CCDC3: variants seen among roughly 807,000 people sequenced by gnomAD.
CCDC3 encodes coiled-coil domain-containing protein 3.
A neutral mutation model predicts 21.4 loss-of-function variants in CCDC3; 24 were observed. That is an observed-to-expected ratio of 1.12 (90% CI 0.81 to 1.58). CCDC3 has a LOEUF of 1.58. Ranked by LOEUF, CCDC3 falls within the 40% of genes most tolerant of loss-of-function variation. CCDC3 has a pLI of 0.00. For missense variants in CCDC3, 425 were observed against 360.9 expected (o/e 1.18, Z -1.44); for synonymous variants, 186 against 166.0 (o/e 1.12, Z -0.93).
At chr10:13,035,144 C>T (rs1309667483) in intron 5 of CCDC3, among the ~76,000 whole-genome samples, 1 of 152,120 alleles carries the variant, frequency 6.6e-6, no homozygotes, top group African/African-American at 2.4e-5. Context: ...GAACACTGAT[C>T]TCTCTGCATT....
At chr10:13,067,430 G>A (rs905011205) in intron 4 of CCDC3, among the ~76,000 whole-genome samples, 1 of 152,036 alleles carries the variant, frequency 6.6e-6, no homozygotes, top group Non-Finnish European at 1.5e-5. Flanking sequence ...ACTAGGCCAG[G>A]AATAAGGATC....
At chr10:12,912,622 T>C (rs1374467197) in intron 2 of CCDC3, among the ~76,000 whole-genome samples, 1 of 152,210 alleles carries the variant, frequency 6.6e-6, no homozygotes, top group East Asian at 1.9e-4. Flanking sequence ...CTTTGATGTG[T>C]TCCCATTTGC....
rs140039127 is a variant in CCDC3, at chr10:12,970,812, C to T, written c.549+27526G>A. Among the ~76,000 whole-genome samples, 1,000 of 151,914 alleles carry T rather than the reference C, an allele frequency of 6.6e-3. 8 individuals carry two copies. Among genetic ancestry groups the T allele is most frequent in the Non-Finnish European group, 9.9e-3 (676 of 67,984 alleles). On this transcript the variant is annotated intron_variant, in intron 2 of 2. Transcript: ENST00000378825. Reference sequence around the variant, plus strand: ...GAGTGAGGCAGGAGAATCACTTGAACCTGGGAGGTGGAGGTTGCAGTGAGC... The same window carrying T: ...GAGTGAGGCAGGAGAATCACTTGAATCTGGGAGGTGGAGGTTGCAGTGAGC...
In CCDC3 at chr10:13,084,479, G is replaced by C. The variant is rs185619464; in HGVS notation, c.-502-10379C>G. ...AATTTTGTATTTTTAATAGAGACAGGGTTCTCCATGTTGGTCAGTCTGGTC... is the reference window on the plus strand; with the variant it reads ...AATTTTGTATTTTTAATAGAGACAGCGTTCTCCATGTTGGTCAGTCTGGTC... On this transcript the variant is annotated intron_variant, in intron 3 of 6. Transcript: ENST00000378839. Among the ~76,000 whole-genome samples the C allele has an allele frequency of 5.8e-3, 889 of 151,984 alleles. 8 individuals are homozygous for C. The highest frequency in any genetic ancestry group is 8.3e-3 in the Non-Finnish European group (564 of 67,970).
chr10:13,046,595 T>C (rs1374016528), intron 5 of CCDC3, among the ~76,000 whole-genome samples: 1 of 151,460 alleles, frequency 6.6e-6, no homozygotes, highest in Non-Finnish European at 1.5e-5. Context: ...TAATCCCAGC[T>C]ACTCAGGAGG....
chr10:13,052,971 CA>C (rs1564333731), intron 4 of CCDC3, among the ~76,000 whole-genome samples: 1 of 91,854 alleles, frequency 1.1e-5, no homozygotes, highest in African/African-American at 4.0e-5. Flanking sequence ...CACACACACA[CA>C]CACACACACA....
chr10:12,922,029 C>T (rs1219435113), intron 2 of CCDC3, among the ~76,000 whole-genome samples: 3 of 152,118 alleles, frequency 2.0e-5, no homozygotes, highest in Non-Finnish European at 2.9e-5. Flanking sequence ...TGTGCCTGAC[C>T]CTATCTTAAC....
rs377326297 is a variant in CCDC3 at position 12,974,698 on chromosome 10, C to A, written c.549+23640G>T. Among the ~76,000 whole-genome samples the A allele has an allele frequency of 5.3e-5, 8 of 152,278 alleles. No individual in the cohort carries two copies. In the South Asian group the frequency reaches 1.0e-3, roughly 20 times the overall value. ...GACCCAGGCTGGGCTGTATCCTCCC[C>A]GGCCAACATGACACCCCCGGATCAT... On this transcript the variant is annotated intron_variant, in intron 2 of 2. Coordinates refer to ENST00000378825, the MANE Select transcript of CCDC3 (RefSeq NM_031455.4).
At chr10:13,038,973 C>T (rs1836414505) in intron 5 of CCDC3, among the ~76,000 whole-genome samples, 1 of 152,164 alleles carries the variant, frequency 6.6e-6, no homozygotes, top group Non-Finnish European at 1.5e-5. Context: ...CCAGAAGAAC[C>T]TAAACAGGGG....
chr10:13,071,163 A>C (rs932314782), intron 4 of CCDC3, among the ~76,000 whole-genome samples: 2 of 152,168 alleles, frequency 1.3e-5, no homozygotes, highest in Non-Finnish European at 2.9e-5. Context: ...ATGCGTCCAA[A>C]TCTTAGCAAG....
chr10:12,915,914 A>C (rs1040303906), intron 2 of CCDC3, among the ~76,000 whole-genome samples: 1 of 151,896 alleles, frequency 6.6e-6, no homozygotes, highest in African/African-American at 2.4e-5. Flanking sequence ...CTGACCTGGC[A>C]CCAGGGTCTG....
intron 2 of CCDC3, among the ~76,000 whole-genome samples, chr10:12,971,191 G>A (rs1224940510): frequency 2.6e-5 from 4 of 152,200 alleles, no homozygotes; most frequent in Non-Finnish European, 5.9e-5. Context: ...ACACCATGGA[G>A]TGTAACCCTA....
At chr10:12,943,207 G>C (rs1460001009) in intron 2 of CCDC3, among the ~76,000 whole-genome samples, 1 of 152,110 alleles carries the variant, frequency 6.6e-6, no homozygotes, top group Non-Finnish European at 1.5e-5. Context: ...TTTGGTTAAA[G>C]TTTGTCAGTT....
intron 5 of CCDC3, among the ~76,000 whole-genome samples, chr10:13,040,182 A>C (rs1014028173): frequency 1.3e-5 from 2 of 152,172 alleles, no homozygotes; most frequent in African/African-American, 4.8e-5. Context: ...ACAGTGAATT[A>C]GGATGGAGGG....
chr10:12,964,599 G>A (rs749161913), intron 2 of CCDC3, among the ~76,000 whole-genome samples: 5 of 152,174 alleles, frequency 3.3e-5, no homozygotes, highest in Admixed American at 2.6e-4. Flanking sequence ...TGATTAACCC[G>A]TGCCTGGAGC....
chr10:12,902,347 G>A (rs1370532784), intron 2 of CCDC3, among the ~76,000 whole-genome samples: 5 of 152,222 alleles, frequency 3.3e-5, no homozygotes, highest in Admixed American at 6.5e-5. Context: ...AGGTGGGCAT[G>A]AGAAATTCCC....
chr10:13,064,476 C>T (rs1836800462), intron 4 of CCDC3, among the ~76,000 whole-genome samples: 1 of 152,166 alleles, frequency 6.6e-6, no homozygotes, highest in Non-Finnish European at 1.5e-5. Context: ...GCCTGTGACA[C>T]AGCCTCAGGA....
At chr10:13,019,660 T>C (rs895466259) in intron 5 of CCDC3, among the ~76,000 whole-genome samples, 1 of 152,210 alleles carries the variant, frequency 6.6e-6, no homozygotes, top group African/African-American at 2.4e-5. Context: ...ACATGACTCA[T>C]GATAACGTTT....
chr10:13,090,713 C>T (rs762082835), intron 3 of CCDC3, among the ~76,000 whole-genome samples: 9 of 152,186 alleles, frequency 5.9e-5, no homozygotes, highest in South Asian at 2.1e-4. Flanking sequence ...AAATCCTCAC[C>T]GGCAGGTGAG....
Sources: gnomAD v4.1 joint callset for allele counts (sites outside exome capture counted in the v4.1 genomes callset) on GRCh38, gnomAD v4.1.1 for gene constraint, MANE v1.5 for transcripts, NCBI Gene and HGNC (gene_info 2026-07-23, HGNC 2026-07-21) for gene names.